Variants in DIS3L2 observed in about 807,000 individuals in gnomAD.
DIS3L2 encodes the protein DIS3 like 3'-5' exoribonuclease 2, also known as DIS3-like exonuclease 2.
Under a neutral mutation model 97.5 loss-of-function variants are expected in DIS3L2, and 34 were observed. The ratio of observed to expected loss-of-function variants is 0.35; its 90% confidence interval spans 0.27 to 0.46. DIS3L2 has a LOEUF of 0.46. DIS3L2 is among the 20% of genes least tolerant of loss of function. DIS3L2 has a pLI of 1.00. For synonymous variants in DIS3L2, 435 were observed against 445.2 expected, an observed-to-expected ratio of 0.98 and a Z score of 0.29; for missense variants, 1,038 against 1,146.0, an observed-to-expected ratio of 0.91 and a Z score of 1.36.
chr2:232,301,818 G>GAGAA (rs1327197324), intron 14 of DIS3L2, among the ~76,000 whole-genome samples: 1 of 145,720 alleles, frequency 6.9e-6, no homozygotes, highest in African/African-American at 2.5e-5. Context: ...ACTGTGAGAA[G>GAGAA]AGAAAATAGC....
At chr2:232,233,792 G>C (rs1351456095) in intron 10 of DIS3L2, among the ~76,000 whole-genome samples, 1 of 152,218 alleles carries the variant, frequency 6.6e-6, no homozygotes, top group Non-Finnish European at 1.5e-5. Flanking sequence ...AAAAATGACT[G>C]TAAGCTAGAA....
intron 14 of DIS3L2, among the ~76,000 whole-genome samples, chr2:232,326,684 C>T (rs894356588): frequency 1.4e-5 from 2 of 147,290 alleles, no homozygotes; most frequent in Non-Finnish European, 3.0e-5. Flanking sequence ...GTCTGGGTCC[C>T]TGCTTAATGT....
intron 9 of DIS3L2, among the ~76,000 whole-genome samples, chr2:232,185,849 C>A (rs1202778992): frequency 2.5e-3 from 258 of 102,092 alleles, no homozygotes; most frequent in Non-Finnish European, 3.0e-3. Context: ...GACTTCGTCT[C>A]AAAAAAAAAA....
intron 9 of DIS3L2, 30 bp from the exon 10 acceptor site, chr2:232,210,296 A>G: frequency 3.2e-6 from 5 of 1,578,106 alleles, no homozygotes; most frequent in Non-Finnish European, 4.4e-6. Context: ...TATTTGTGGC[A>G]TTGCTAATTG....
exon 14 of DIS3L2, chr2:232,343,668 C>T (rs373656874): frequency 4.4e-6 from 6 of 1,365,428 alleles, no homozygotes; most frequent in East Asian, 2.5e-5. Flanking sequence ...TCTAAAAGGT[C>T]CAGTAGAAAA....
At position 232,263,310 on chromosome 2, in the gene DIS3L2, C is replaced by A. The variant is rs377321022; in HGVS notation, c.1529C>A (p.Ala510Glu). The change falls in exon 13 of 21, where the codon GCG becomes GAG. Residue 510 changes from alanine (A) to glutamate (E), a missense_variant. By Grantham distance (107) the Ala-to-Glu change is moderately radical. Coordinates refer to ENST00000325385, the MANE Select transcript of DIS3L2 (RefSeq NM_152383.5). ...MIESPTEKIP[A>E]KELPPISPEH... ...GAAAGCCCAACTGAGAAAATCCCTGCGAAAGAGCTGCCCCCCATTTCCCCA... is the reference window on the plus strand; with the variant it reads ...GAAAGCCCAACTGAGAAAATCCCTGAGAAAGAGCTGCCCCCCATTTCCCCA... 2 of 1,614,068 alleles carry A rather than the reference C, an allele frequency of 1.2e-6. No homozygotes were observed. Among genetic ancestry groups the A allele is most frequent in the East Asian group, 2.2e-5 (1 of 44,890 alleles).
chr2:232,014,874 T>C lies in DIS3L2; in HGVS notation c.-54T>C, dbSNP rs1694308423. On this transcript the variant is annotated 5_prime_UTR_variant, in exon 2 of 21. It removes the in-frame stop codon of an upstream open reading frame in the 5' UTR. Coordinates refer to ENST00000325385, the MANE Select transcript of DIS3L2 (RefSeq NM_152383.5). ...GCTGCTCAAGGCGGGAACTCTGAGC[T>C]AAGCAGTGGAGGTTTCTCTGGATCT... 1.9e-6 allele frequency: 3 copies of C among 1,598,888 alleles called. No homozygotes were observed. The highest frequency in any genetic ancestry group is 1.3e-5 in the African/African-American group (1 of 74,320).
chr2:232,297,657 C>T (rs1694754503), intron 13 of DIS3L2, among the ~76,000 whole-genome samples: 1 of 151,290 alleles, frequency 6.6e-6, no homozygotes, highest in Non-Finnish European at 1.5e-5. Flanking sequence ...AACCTCTCAG[C>T]TAGTGATAGG....
chr2:232,165,352 T>G (rs1254311762), intron 9 of DIS3L2, among the ~76,000 whole-genome samples: 1 of 152,172 alleles, frequency 6.6e-6, no homozygotes, highest in East Asian at 1.9e-4. Flanking sequence ...AATATACACA[T>G]ATACATATAT....
chr2:232,163,127 A>G (rs1041778518), intron 8 of DIS3L2, among the ~76,000 whole-genome samples: 8 of 152,220 alleles, frequency 5.3e-5, no homozygotes, highest in Non-Finnish European at 1.0e-4. Context: ...TAATGATTTA[A>G]TAGCACACTG....
In DIS3L2 at chr2:232,281,415, ATATGAATGTTTTC is replaced by A. The variant is rs1443914734; in HGVS notation, c.1659+17977_1659+17989del. ...CTCTGTCTCAAAAAGAAAAAAAGAA[ATATGAATGTTTTC>A]TTGAATTCAACTTGGTGCTGTTGAA... is the stretch of plus-strand genomic sequence containing the variant. On this transcript the variant is annotated intron_variant, in intron 13 of 20. Transcript: ENST00000325385. The surrounding 1 kb of genome is among the most constrained non-coding windows in gnomAD (Gnocchi z 4.1). 6.6e-6 allele frequency among the ~76,000 whole-genome samples: 1 copy of A among 152,026 alleles called. No homozygotes were observed. The highest frequency in any genetic ancestry group is 2.4e-5 in the African/African-American group (1 of 41,432).
At chr2:232,047,571 CA>C (rs1471284258) in intron 5 of DIS3L2, among the ~76,000 whole-genome samples, 4 of 152,186 alleles carry the variant, frequency 2.6e-5, no homozygotes, top group African/African-American at 9.6e-5. Flanking sequence ...ATAAAATTCA[CA>C]TAACATAGAA....
intron 5 of DIS3L2, among the ~76,000 whole-genome samples, chr2:232,077,999 TTCTTTCTTTCTTTC>T (rs1696261182): frequency 7.0e-6 from 1 of 143,114 alleles, no homozygotes; most frequent in African/African-American, 2.7e-5. Context: ...CTTTCTTTCT[TTCTTTCTTTCTTTC>T]TTTCTTTTTC....
chr2:231,975,016 A>G (rs1206603599), intron 1 of DIS3L2, among the ~76,000 whole-genome samples: 3 of 152,198 alleles, frequency 2.0e-5, no homozygotes, highest in Admixed American at 6.5e-5. Flanking sequence ...CGTTTGTCTC[A>G]CCATAATTTA....
At chr2:232,338,825 AAG>A (rs2106359820), downstream of DIS3L2, among the ~76,000 whole-genome samples, 1 of 152,388 alleles carries the variant, frequency 6.6e-6, no homozygotes, top group East Asian at 1.9e-4. Context: ...ACTCAACAGA[AAG>A]AGTGACCAGG....
At chr2:232,210,500 G>A in intron 10 of DIS3L2, 95 bp downstream of exon 10, 1 of 1,175,558 alleles carries the variant, frequency 8.5e-7, no homozygotes, top group Non-Finnish European at 1.3e-6. Flanking sequence ...GCAGCATACT[G>A]TGCAAGGCTA....
chr2:232,304,519 G>C (rs1430381533), intron 14 of DIS3L2, among the ~76,000 whole-genome samples: 1 of 152,200 alleles, frequency 6.6e-6, no homozygotes, highest in Non-Finnish European at 1.5e-5. Context: ...GAAAGTGAAT[G>C]CTTCCGACTT....
At chr2:232,085,487 G>A (rs1696547955) in intron 5 of DIS3L2, among the ~76,000 whole-genome samples, 1 of 152,200 alleles carries the variant, frequency 6.6e-6, no homozygotes, top group South Asian at 2.1e-4. Flanking sequence ...TTTACAAGTA[G>A]TGATCAAATT....
At chr2:232,213,583 A>G (rs3103270) in intron 10 of DIS3L2, among the ~76,000 whole-genome samples, 1 of 151,380 alleles carries the variant, frequency 6.6e-6, no homozygotes, top group Non-Finnish European at 1.5e-5. Flanking sequence ...AGTTCATGTC[A>G]ATTCTTGCTT....
Sources: allele counts gnomAD v4.1 joint callset (sites outside exome capture counted in the v4.1 genomes callset), GRCh38; gene constraint gnomAD v4.1.1; non-coding constraint Gnocchi (gnomAD v3.1); transcripts MANE v1.5; gene names NCBI Gene and HGNC (gene_info 2026-07-23, HGNC 2026-07-21).